The following RETREG3 variants were observed in gnomAD, a reference collection of about 807,000 sequenced individuals.
RETREG3 encodes the protein reticulophagy regulator 3.
In RETREG3, 23 loss-of-function variants were observed where a neutral mutation model predicts 50.2. The observed-to-expected ratio is 0.46, with a 90% CI of 0.33 to 0.65. RETREG3 has a LOEUF of 0.65. Ranked by LOEUF, RETREG3 falls within the 30% of genes least tolerant of loss-of-function variation. RETREG3 has a pLI of 0.02. For synonymous variants in RETREG3, 240 were observed against 234.4 expected (o/e 1.02, Z -0.22); for missense variants, 546 against 598.0 (o/e 0.91, Z 0.91).
intron 1 of RETREG3, among the ~76,000 whole-genome samples, chr17:42,594,294 G>A (rs1453145422): frequency 2.6e-5 from 4 of 152,194 alleles, no homozygotes; most frequent in African/African-American, 9.6e-5. Context: ...GGTGGCTGAC[G>A]CCTGTAATTC....
intron 1 of RETREG3, among the ~76,000 whole-genome samples, chr17:42,602,316 CA>C (rs71157650): frequency 1.3e-4 from 18 of 142,742 alleles, no homozygotes; most frequent in Admixed American, 2.8e-4. Context: ...GACTCCGTTT[CA>C]AAAAAAAAAA....
rs1389424666 is a variant in RETREG3 at position 42,580,860 on chromosome 17, A to G, written c.*953T>C. ...CTAGACCAGCCTGGCCAGCACGGTG[A>G]AACCCCATCTCTACTAAAAACACAA... is the stretch of plus-strand genomic sequence containing the variant. On this transcript the variant is annotated 3_prime_UTR_variant, in exon 9 of 9. Coordinates refer to ENST00000309428, the MANE Select transcript of RETREG3 (RefSeq NM_178126.4). 3 of 152,052 alleles carry G rather than the reference A, an allele frequency of 2.0e-5. No homozygotes were observed. The highest frequency in any genetic ancestry group is 2.0e-4 in the Admixed American group (3 of 15,244). The allele number at this position is 152,052 out of a possible 1,614,324, so 9.4% of individuals were successfully genotyped here. A position where few individuals can be genotyped will look rare whatever the true frequency, so the allele number is the denominator to read the frequency against.
chr17:42,597,479 G>C (rs1288570604), intron 1 of RETREG3, among the ~76,000 whole-genome samples: 2 of 146,056 alleles, frequency 1.4e-5, no homozygotes, highest in East Asian at 3.9e-4. Flanking sequence ...GAGCCACCGC[G>C]CCCAGCCAGA....
chr17:42,585,305 C>T (rs765592896), intron 5 of RETREG3, 43 bp from the exon 6 acceptor site: 47 of 1,602,590 alleles, frequency 2.9e-5, no homozygotes, highest in Non-Finnish European at 4.0e-5. Context: ...GGAGAAGGGG[C>T]TGCAAAAAAC....
At chr17:42,609,038 C>T (rs1389226723) in intron 1 of RETREG3, 48 bp downstream of exon 1, 1 of 1,570,688 alleles carries the variant, frequency 6.4e-7, no homozygotes, top group African/African-American at 1.3e-5. Flanking sequence ...CCTAGAGGAA[C>T]CAACGAATTC....
chr17:42,586,196 GT>G, intron 4 of RETREG3, 59 bp from the exon 5 acceptor site: 3 of 1,534,858 alleles, frequency 2.0e-6, no homozygotes, highest in Non-Finnish European at 2.7e-6. Flanking sequence ...TGGGGTGGGT[GT>G]GAAGGGTTAG....
intron 1 of RETREG3, among the ~76,000 whole-genome samples, chr17:42,593,180 T>C (rs1285490024): frequency 6.6e-6 from 1 of 152,122 alleles, no homozygotes. Flanking sequence ...AAATCTTCAA[T>C]AAAATACTAG....
At chr17:42,589,247 CCTGTATACT>C (rs1372437473) in intron 2 of RETREG3, among the ~76,000 whole-genome samples, 1 of 152,076 alleles carries the variant, frequency 6.6e-6, no homozygotes, top group Non-Finnish European at 1.5e-5. Context: ...GTATTTAAAA[CCTGTATACT>C]CTGGTTTGAA....
chr17:42,590,133 G>A (rs184298197), intron 2 of RETREG3, among the ~76,000 whole-genome samples: 1 of 152,342 alleles, frequency 6.6e-6, no homozygotes, highest in Non-Finnish European at 1.5e-5. Context: ...GAACCTGGGA[G>A]GTGGAGGTTG....
chr17:42,593,454 C>A (rs1025659821), intron 1 of RETREG3, among the ~76,000 whole-genome samples: 4 of 151,584 alleles, frequency 2.6e-5, no homozygotes, highest in African/African-American at 9.7e-5. Flanking sequence ...TCGAGACCAT[C>A]CTGGTTAATA....
In RETREG3 at chr17:42,586,620, G is replaced by T; in HGVS notation, c.504+145C>A. 2.6e-6 allele frequency: 3 copies of T among 1,166,838 alleles called. No homozygotes were observed. The South Asian group carries it at 5.1e-5, about 20-fold the overall frequency. 72.3% of individuals were successfully genotyped at this position (1,166,838 alleles called of 1,614,324 possible). A position where few individuals can be genotyped will look rare whatever the true frequency, so the allele number is the denominator to read the frequency against. On this transcript the variant is annotated intron_variant, in intron 4 of 8. Coordinates refer to ENST00000309428, the MANE Select transcript of RETREG3 (RefSeq NM_178126.4). ...GTTAGTCCTAATGGCTGGTCAGAAG[G>T]CCTTTCCTATAGCTTCCTTTTGTCT...
At chr17:42,585,635 G>T (rs1401458616) in intron 5 of RETREG3, among the ~76,000 whole-genome samples, 1 of 152,198 alleles carries the variant, frequency 6.6e-6, no homozygotes, top group Admixed American at 6.5e-5. Context: ...AGCAAGCTGA[G>T]TACATGCCAA....
intron 6 of RETREG3, among the ~76,000 whole-genome samples, chr17:42,584,319 G>A (rs2093116551): frequency 6.6e-6 from 1 of 152,184 alleles, no homozygotes; most frequent in African/African-American, 2.4e-5. Context: ...GTGACCAAGT[G>A]CAGGGCTCTT....
intron 1 of RETREG3, among the ~76,000 whole-genome samples, chr17:42,606,932 G>A (rs1017719294): frequency 2.6e-5 from 4 of 152,126 alleles, no homozygotes; most frequent in African/African-American, 9.7e-5. Flanking sequence ...GGGAGGAGGA[G>A]GTTGTAGTGA....
At chr17:42,603,744 G>A (rs1438571337) in intron 1 of RETREG3, among the ~76,000 whole-genome samples, 11 of 152,166 alleles carry the variant, frequency 7.2e-5, no homozygotes, top group South Asian at 2.1e-4. Flanking sequence ...TTGGGAGACC[G>A]AGGCGGGCGG....
Position 42,595,274 on chromosome 17 carries a change from C to T in RETREG3, c.240-3112G>A, listed in dbSNP as rs187354910. 3.9e-3 allele frequency among the ~76,000 whole-genome samples: 588 copies of T among 149,808 alleles called. 6 individuals carry two copies. Among genetic ancestry groups the T allele is most frequent in the African/African-American group, 0.014 (564 of 40,826 alleles). ...GAGCCACTGCGCCTGGCCTTTTGTA[C>T]TTTTTTTTTGAGACGGAATTTTTTG... On this transcript the variant is annotated intron_variant, in intron 1 of 8. Transcript: ENST00000309428.
chr17:42,601,894 A>G (rs2093159410), intron 1 of RETREG3, among the ~76,000 whole-genome samples: 1 of 151,624 alleles, frequency 6.6e-6, no homozygotes, highest in Non-Finnish European at 1.5e-5. Flanking sequence ...TCGGCCTCCC[A>G]AAGTGCTGAG....
At chr17:42,589,386 T>G (rs907877910) in intron 2 of RETREG3, among the ~76,000 whole-genome samples, 6 of 152,306 alleles carry the variant, frequency 3.9e-5, no homozygotes, top group African/African-American at 1.4e-4. Flanking sequence ...ATTCTGCCAC[T>G]CTCTTAGCTT....
intron 1 of RETREG3, among the ~76,000 whole-genome samples, chr17:42,608,358 T>A (rs1361985886): frequency 1.3e-5 from 2 of 152,206 alleles, no homozygotes. Flanking sequence ...GTGCTACTTT[T>A]CCAGCTCAGG....
Sources: allele counts gnomAD v4.1 joint callset (sites outside exome capture counted in the v4.1 genomes callset), GRCh38; gene constraint gnomAD v4.1.1; transcripts MANE v1.5; gene names NCBI Gene and HGNC (gene_info 2026-07-23, HGNC 2026-07-21).